Variants in CATSPERT observed in about 807,000 individuals in gnomAD.
The protein encoded by CATSPERT is catsper channel auxiliary subunit tau.
At chr2:201,494,862 T>C in the CATSPERT span, 1 of 1,141,306 alleles carries the variant, frequency 8.8e-7, no homozygotes, top group African/African-American at 1.6e-5. Flanking sequence ...ATGTATCTAT[T>C]CAGTCTCCTA....
the CATSPERT span, among the ~76,000 whole-genome samples, chr2:201,589,103 G>A: frequency 4.7e-3 from 715 of 151,970 alleles, 6 homozygotes; most frequent in African/African-American, 0.016. Flanking sequence ...AAGAAGTCAG[G>A]GATGACACAA....
At chr2:201,510,775 CAT>C in the CATSPERT span, among the ~76,000 whole-genome samples, 1 of 151,858 alleles carries the variant, frequency 6.6e-6, no homozygotes, top group Non-Finnish European at 1.5e-5. Flanking sequence ...ACTAGAAAAA[CAT>C]ATAGGAGAAT....
the CATSPERT span, among the ~76,000 whole-genome samples, chr2:201,526,379 G>A: frequency 1.3e-5 from 2 of 151,972 alleles, no homozygotes; most frequent in Admixed American, 6.6e-5. Context: ...TTAGGCGGGT[G>A]TGGTGGCACA....
the CATSPERT span, among the ~76,000 whole-genome samples, chr2:201,584,303 G>T: frequency 6.6e-6 from 1 of 151,786 alleles, no homozygotes; most frequent in South Asian, 2.1e-4. Context: ...AAAACTAATA[G>T]TAATAAAATA....
At chr2:201,524,701 C>A in the CATSPERT span, among the ~76,000 whole-genome samples, 1 of 152,184 alleles carries the variant, frequency 6.6e-6, no homozygotes, top group African/African-American at 2.4e-5. Context: ...CAAGACCCAA[C>A]TGTATGGTGT....
the CATSPERT span, among the ~76,000 whole-genome samples, chr2:201,615,436 C>T: frequency 6.6e-6 from 1 of 152,190 alleles, no homozygotes; most frequent in Non-Finnish European, 1.5e-5. Context: ...GGAAACTGAA[C>T]AACCTCTTCC....
chr2:201,596,663 T>C, the CATSPERT span, among the ~76,000 whole-genome samples: 1 of 152,214 alleles, frequency 6.6e-6, no homozygotes, highest in African/African-American at 2.4e-5. Flanking sequence ...TCTTACATTT[T>C]TCCATTCTTT....
At chr2:201,547,090 A>C in the CATSPERT span, among the ~76,000 whole-genome samples, 2 of 152,136 alleles carry the variant, frequency 1.3e-5, no homozygotes, top group Non-Finnish European at 2.9e-5. Flanking sequence ...ATACAGTTAG[A>C]AAGTTGACTA....
chr2:201,602,012 A>G, the CATSPERT span: 1 of 638,340 alleles, frequency 1.6e-6, no homozygotes, highest in Non-Finnish European at 2.4e-6. Flanking sequence ...AACAATAGAA[A>G]AAAAGTATTC....
At chr2:201,537,318 A>G in the CATSPERT span, 7 of 812,144 alleles carry the variant, frequency 8.6e-6, no homozygotes, top group Non-Finnish European at 1.3e-5. Context: ...AGAAACCATA[A>G]AACAACTGAG....
At chr2:201,545,691 A>G in the CATSPERT span, 5 of 1,100,060 alleles carry the variant, frequency 4.5e-6, no homozygotes, top group Non-Finnish European at 6.2e-6. Context: ...TTAAAGAACG[A>G]AAACATTTTC....
At chr2:201,599,634 G>C in the CATSPERT span, among the ~76,000 whole-genome samples, 1 of 151,490 alleles carries the variant, frequency 6.6e-6, no homozygotes, top group African/African-American at 2.4e-5. Context: ...TTCTTTGTTT[G>C]CTTGTCCAAT....
At chr2:201,614,930 C>A in the CATSPERT span, among the ~76,000 whole-genome samples, 16 of 152,180 alleles carry the variant, frequency 1.1e-4, no homozygotes, top group African/African-American at 3.1e-4. Flanking sequence ...ATAAAACAGA[C>A]TTCAAACCAA....
chr2:201,617,952 GAA>G, the CATSPERT span, among the ~76,000 whole-genome samples: 2 of 152,116 alleles, frequency 1.3e-5, no homozygotes. Context: ...ACAGACACAT[GAA>G]AAAATGCTCA....
the CATSPERT span, among the ~76,000 whole-genome samples, chr2:201,612,302 C>T: frequency 6.8e-4 from 104 of 152,120 alleles, no homozygotes; most frequent in Non-Finnish European, 1.2e-3. Context: ...GGGCCGGGCA[C>T]GGTGGCTCAC....
the CATSPERT span, among the ~76,000 whole-genome samples, chr2:201,527,337 A>G: frequency 6.6e-6 from 1 of 152,234 alleles, no homozygotes; most frequent in East Asian, 1.9e-4. Flanking sequence ...TACTGCCCCA[A>G]GAAATTTATA....
the CATSPERT span, chr2:201,553,889 A>G: frequency 6.6e-6 from 1 of 152,154 alleles, no homozygotes; most frequent in Non-Finnish European, 1.5e-5. Flanking sequence ...TTCAACCTAG[A>G]AATTTCCCTC....
the CATSPERT span, among the ~76,000 whole-genome samples, chr2:201,597,139 G>A: frequency 1.3e-5 from 2 of 152,300 alleles, no homozygotes; most frequent in East Asian, 3.9e-4. Flanking sequence ...GTTAGAGGAT[G>A]GGTCTATTTC....
the CATSPERT span, among the ~76,000 whole-genome samples, chr2:201,519,815 G>A: frequency 0.61 from 92,237 of 152,018 alleles, 29,970 homozygotes; most frequent in East Asian, 0.95. Flanking sequence ...GACAAAAAAC[G>A]TCTTCACCTA....
Sources: allele counts gnomAD v4.1 joint callset (sites outside exome capture counted in the v4.1 genomes callset), GRCh38; gene constraint gnomAD v4.1.1; transcripts MANE v1.5; gene names NCBI Gene and HGNC (gene_info 2026-07-23, HGNC 2026-07-21).